The following TRPS1 variants were observed in gnomAD, a reference collection of about 807,000 sequenced individuals.
The protein encoded by TRPS1 is transcriptional repressor GATA binding 1, also known as zinc finger transcription factor Trps1.
In TRPS1, 6 loss-of-function variants were observed where a neutral mutation model predicts 101.2. The observed-to-expected ratio is 0.06, with a 90% CI of 0.03 to 0.12. The LOEUF is 0.12. TRPS1 is among the 10% of genes least tolerant of loss of function. The probability of loss-of-function intolerance (pLI) is 1.00; values close to 1 mark genes in which losing one functional copy is unlikely to be tolerated. For missense variants in TRPS1, 1,363 were observed against 1,567.0 expected (o/e 0.87, Z 2.20); for synonymous variants, 578 against 589.8 (o/e 0.98, Z 0.29).
chr8:115,427,100 G>A (rs898547126), intron 5 of TRPS1, among the ~76,000 whole-genome samples: 1 of 151,750 alleles, frequency 6.6e-6, no homozygotes, highest in East Asian at 1.9e-4. Flanking sequence ...CAGCAAGAAC[G>A]TGTCTCTACA....
At chr8:115,632,736 G>C (rs1318114960) in intron 1 of TRPS1, among the ~76,000 whole-genome samples, 1 of 152,112 alleles carries the variant, frequency 6.6e-6, no homozygotes, top group Non-Finnish European at 1.5e-5. Flanking sequence ...ACGAATGCAT[G>C]CTTTCAATGT....
At chr8:115,483,508 G>A (rs1230256793) in intron 5 of TRPS1, among the ~76,000 whole-genome samples, 1 of 146,670 alleles carries the variant, frequency 6.8e-6, no homozygotes, top group Non-Finnish European at 1.5e-5. Flanking sequence ...ACTCCAGCCT[G>A]GGTGACAGAG....
intron 4 of TRPS1, among the ~76,000 whole-genome samples, chr8:115,592,929 G>C (rs1817708881): frequency 1.3e-5 from 2 of 152,132 alleles, no homozygotes; most frequent in African/African-American, 4.8e-5. Flanking sequence ...TGTTGGCTTG[G>C]AGTGTACTCT....
At chr8:115,458,748 T>G (rs373700041) in intron 5 of TRPS1, among the ~76,000 whole-genome samples, 4 of 152,318 alleles carry the variant, frequency 2.6e-5, no homozygotes, top group Admixed American at 1.3e-4. Context: ...CTGTATTCCA[T>G]GAATAAACCA....
intron 5 of TRPS1, among the ~76,000 whole-genome samples, chr8:115,521,520 C>T (rs1478110867): frequency 6.6e-6 from 1 of 151,856 alleles, no homozygotes; most frequent in African/African-American, 2.4e-5. Flanking sequence ...GAAAGGACTT[C>T]ATCTCTCACT....
At chr8:115,443,508 C>T (rs1169954926) in intron 5 of TRPS1, among the ~76,000 whole-genome samples, 3 of 152,112 alleles carry the variant, frequency 2.0e-5, no homozygotes, top group Non-Finnish European at 2.9e-5. Flanking sequence ...CCTTCAAGTC[C>T]TTTGATATTA....
rs1815206374 is a variant in TRPS1, at chr8:115,498,391, C to G, written c.2701-79939G>C. 4.0e-5 allele frequency among the ~76,000 whole-genome samples: 3 copies of G among 74,900 alleles called. 1 individual carries two copies. Among genetic ancestry groups the G allele is most frequent in the South Asian group, 1.1e-3 (2 of 1,810 alleles). The allele number at this position is 74,900 out of a possible 152,430, so 49.1% of individuals were successfully genotyped here. A position where few individuals can be genotyped will look rare whatever the true frequency, so the allele number is the denominator to read the frequency against. The stretch of plus-strand genomic sequence containing the variant: ...AGAGCCCGTCTCTCTCTCTCTCTCT[C>G]TCTCTCTCTCTCTCTCTCTCTCTCT... On this transcript the variant is annotated intron_variant, in intron 5 of 6. Coordinates refer to ENST00000395715, the MANE Select transcript of TRPS1 (RefSeq NM_014112.5).
intron 4 of TRPS1, among the ~76,000 whole-genome samples, chr8:115,596,772 A>C (rs962818409): frequency 6.6e-6 from 1 of 151,838 alleles, no homozygotes; most frequent in Non-Finnish European, 1.5e-5. Context: ...TTATCCATGC[A>C]TGTACACATA....
At chr8:115,428,493 G>A (rs989657449) in intron 5 of TRPS1, among the ~76,000 whole-genome samples, 8 of 152,206 alleles carry the variant, frequency 5.3e-5, no homozygotes, top group Non-Finnish European at 8.8e-5. Context: ...AGTCTGCTCA[G>A]CAGAAAGATG....
rs1812722939 is a variant in TRPS1, at chr8:115,409,111, C to T, written c.*4912G>A. ...TACTTGGCACTCCTATGGTGCCTTT[C>T]AACCAAGGATCTCAAAGTGCTTTAC... On this transcript the variant is annotated 3_prime_UTR_variant, in exon 7 of 7. Coordinates refer to ENST00000395715, the MANE Select transcript of TRPS1 (RefSeq NM_014112.5). 6.6e-6 allele frequency: 1 copy of T among 151,430 alleles called. No individual in the cohort carries two copies. Among genetic ancestry groups the T allele is most frequent in the African/African-American group, 2.4e-5 (1 of 41,258 alleles). 9.4% of individuals were successfully genotyped at this position (151,430 alleles called of 1,614,324 possible).
At chr8:115,427,757 C>G (rs1156867133) in intron 5 of TRPS1, among the ~76,000 whole-genome samples, 2 of 150,456 alleles carry the variant, frequency 1.3e-5, no homozygotes, top group African/African-American at 4.9e-5. Flanking sequence ...AATGAGTCAT[C>G]CTTCATCAGA....
intron 5 of TRPS1, among the ~76,000 whole-genome samples, chr8:115,539,965 A>G (rs1297110338): frequency 6.6e-6 from 1 of 152,198 alleles, no homozygotes; most frequent in East Asian, 1.9e-4. Context: ...CTCATTCTTC[A>G]AAGTCTTTGC....
In TRPS1 at chr8:115,432,456, A is replaced by ATGTGTG. The variant is rs1241568735; in HGVS notation, c.2701-14010_2701-14005dup. Among the ~76,000 whole-genome samples, 3 of 151,936 alleles carry ATGTGTG rather than the reference A, an allele frequency of 2.0e-5. No homozygotes were observed. The East Asian group carries it at 5.8e-4, about 29-fold the overall frequency. ...GTGTAGATATACACACATACACCAA[A>ATGTGTG]TGTGTGTGTGAATACAGACATATAA... On this transcript the variant is annotated intron_variant, in intron 5 of 6. Coordinates refer to ENST00000395715, the MANE Select transcript of TRPS1 (RefSeq NM_014112.5).
intron 5 of TRPS1, among the ~76,000 whole-genome samples, chr8:115,503,741 C>A (rs1815374870): frequency 6.6e-6 from 1 of 152,128 alleles, no homozygotes; most frequent in Non-Finnish European, 1.5e-5. Flanking sequence ...AACCAGTATG[C>A]AATACACATT....
chr8:115,542,573 G>C (rs1816479288), intron 5 of TRPS1, among the ~76,000 whole-genome samples: 1 of 152,080 alleles, frequency 6.6e-6, no homozygotes, highest in South Asian at 2.1e-4. Flanking sequence ...GAGAAAAAGG[G>C]AGAAGGTCTA....
intron 5 of TRPS1, among the ~76,000 whole-genome samples, chr8:115,449,751 T>C (rs543238937): frequency 6.6e-6 from 1 of 152,292 alleles, no homozygotes; most frequent in Admixed American, 6.5e-5. Flanking sequence ...AATATTCAAA[T>C]GAGATTGGTA....
intron 5 of TRPS1, among the ~76,000 whole-genome samples, chr8:115,452,260 G>A (rs1050218075): frequency 6.6e-6 from 1 of 152,112 alleles, no homozygotes; most frequent in Non-Finnish European, 1.5e-5. Flanking sequence ...TAGAGAAGTC[G>A]AACAATGTTA....
chr8:115,636,692 T>C (rs528266955), intron 1 of TRPS1, among the ~76,000 whole-genome samples: 2 of 152,242 alleles, frequency 1.3e-5, no homozygotes, highest in South Asian at 2.1e-4. Context: ...GGCAGGAGGA[T>C]AGCCTGAGGC....
chr8:115,590,399 C>T (rs979553745), intron 4 of TRPS1, among the ~76,000 whole-genome samples: 9 of 152,116 alleles, frequency 5.9e-5, no homozygotes, highest in Non-Finnish European at 1.2e-4. Context: ...AAATCCATGC[C>T]TATAAATTAA....
Sources: gnomAD v4.1 joint callset for allele counts (sites outside exome capture counted in the v4.1 genomes callset) on GRCh38, gnomAD v4.1.1 for gene constraint, MANE v1.5 for transcripts, NCBI Gene and HGNC (gene_info 2026-07-23, HGNC 2026-07-21) for gene names.